Variants in NBPF26 observed in about 807,000 individuals in gnomAD.
The protein encoded by NBPF26 is NBPF member 26, also known as NBPF family member NBPF26.
NBPF26 carries 79 observed loss-of-function variants against 119.6 expected under a neutral mutation model. The observed-to-expected ratio is 0.66, with a 90% CI of 0.55 to 0.80. The LOEUF (loss-of-function observed/expected upper bound fraction) is 0.80. NBPF26 is among the 30% of genes least tolerant of loss of function. The pLI, the probability that NBPF26 is intolerant of heterozygous loss-of-function variation, is 0.00. For missense variants in NBPF26, 800 were observed against 1,198.2 expected (o/e 0.67, Z 4.91); for synonymous variants, 299 against 457.7 (o/e 0.65, Z 4.43).
At chr1:120,840,581 A>T in exon 30 of NBPF26, 1 of 1,464,192 alleles carries the variant, frequency 6.8e-7, no homozygotes, top group Non-Finnish European at 9.2e-7. Flanking sequence ...TGGGAGTCAT[A>T]TTCCCACAAT....
intron 2 of NBPF26, among the ~76,000 whole-genome samples, chr1:120,780,179 A>AGAC (rs1354004024): frequency 3.7e-5 from 4 of 108,958 alleles, no homozygotes; most frequent in Non-Finnish European, 7.1e-5. Context: ...CAAGGGTTCA[A>AGAC]GACAGGCTCT....
chr1:120,788,083 A>G, intron 3 of NBPF26, among the ~76,000 whole-genome samples: 1 of 61,864 alleles, frequency 1.6e-5, no homozygotes, highest in South Asian at 4.5e-4. Context: ...GACCATTTGT[A>G]GTCCCGCCTG....
Position 120,756,216 on chromosome 1 carries a change from C to A in NBPF26, c.74-7412C>A, listed in dbSNP as rs1302966260. Among the ~76,000 whole-genome samples, 3 of 112,768 alleles carry A rather than the reference C, an allele frequency of 2.7e-5. 1 individual carries two copies. The highest frequency in any genetic ancestry group is 5.0e-5 in the Non-Finnish European group (3 of 59,512). The allele number at this position is 112,768 out of a possible 152,430, so 74.0% of individuals were successfully genotyped here. A position where few individuals can be genotyped will look rare whatever the true frequency, so the allele number is the denominator to read the frequency against. ...CTCCTATTTTTGGTAATAATGCAGGCAGTCATTTTAGAAAACTTTGCTTTG... is the reference window on the plus strand; with the variant it reads ...CTCCTATTTTTGGTAATAATGCAGGAAGTCATTTTAGAAAACTTTGCTTTG... On this transcript the variant is annotated intron_variant, in intron 1 of 29. Transcript: ENST00000620612.
chr1:120,806,349 C>T lies in NBPF26; in HGVS notation c.961+584C>T, dbSNP rs1483115603. 2.7e-5 allele frequency among the ~76,000 whole-genome samples: 3 copies of T among 111,262 alleles called. 1 individual carries two copies. Among genetic ancestry groups the T allele is most frequent in the African/African-American group, 9.2e-5 (2 of 21,682 alleles). The allele number at this position is 111,262 out of a possible 152,430, so 73.0% of individuals were successfully genotyped here. ...GTGGCTCACTCCTATAATCTCAGCA[C>T]TTTGGGAGGCTGAGGCGGGCAGAGC... On this transcript the variant is annotated intron_variant, in intron 5 of 29. Coordinates refer to ENST00000620612, the Ensembl canonical transcript of NBPF26.
At chr1:120,804,911 T>C (rs1249604160) in intron 4 of NBPF26, among the ~76,000 whole-genome samples, 1 of 120,132 alleles carries the variant, frequency 8.3e-6, no homozygotes, top group East Asian at 2.0e-4. Context: ...ACCCGGAGGA[T>C]ATCAGGGCAG....
At chr1:120,790,239 C>A (rs1363662710) in intron 3 of NBPF26, among the ~76,000 whole-genome samples, 1 of 106,328 alleles carries the variant, frequency 9.4e-6, no homozygotes, top group South Asian at 2.7e-4. Context: ...TGGTCTGGAT[C>A]GCCTGACCTC....
chr1:120,732,631 G>C, intron 1 of NBPF26, among the ~76,000 whole-genome samples: 1 of 80,250 alleles, frequency 1.2e-5, no homozygotes, highest in Non-Finnish European at 2.3e-5. Flanking sequence ...TCTTTAGTTA[G>C]AAACATTAAG....
chr1:120,728,690 A>T lies in NBPF26; in HGVS notation c.73+4440A>T, dbSNP rs1297150149. Among the ~76,000 whole-genome samples, 2 of 117,460 alleles carry T rather than the reference A, an allele frequency of 1.7e-5. 1 individual carries two copies. Among genetic ancestry groups the T allele is most frequent in the African/African-American group, 9.9e-5 (2 of 20,144 alleles). The allele number at this position is 117,460 out of a possible 152,430, so 77.1% of individuals were successfully genotyped here. A position where few individuals can be genotyped will look rare whatever the true frequency, so the allele number is the denominator to read the frequency against. On this transcript the variant is annotated intron_variant, in intron 1 of 29. Coordinates refer to ENST00000620612, the Ensembl canonical transcript of NBPF26. The stretch of plus-strand genomic sequence containing the variant: ...AGTCATTTTTGGAATACTATTTTTA[A>T]AATTAGAGTTAACTAAGTTTATATT...
intron 4 of NBPF26, among the ~76,000 whole-genome samples, chr1:120,801,486 G>T (rs1338519867): frequency 1.1e-5 from 1 of 87,684 alleles, no homozygotes; most frequent in South Asian, 3.2e-4. Context: ...ATAAAGCAAG[G>T]TGTCTTTCCA....
rs1651655390 is a variant in NBPF26 at position 120,805,363 on chromosome 1, G to T, written c.752-193G>T. The T allele has an allele frequency of 3.3e-5, 35 of 1,073,266 alleles. 4 individuals carry two copies. Among genetic ancestry groups the T allele is most frequent in the Middle Eastern group, 2.9e-4 (1 of 3,500 alleles). The allele number at this position is 1,073,266 out of a possible 1,614,324, so 66.5% of individuals were successfully genotyped here. ...TATCAGAGTCTGAGCTACTGGCAGT[G>T]CTTTCAGCTCTGAGTTGAGGCACCT... On this transcript the variant is annotated intron_variant, in intron 4 of 29. Transcript: ENST00000620612.
rs1396609426 is a variant in NBPF26 at position 120,815,221 on chromosome 1, G to A, written c.2092+178G>A. ...GAGATGGGAAACCCATGGGGTTGGA[G>A]GTCACAGTATTGCAAGTGTCCCTCC... On this transcript the variant is annotated intron_variant, in intron 12 of 29. Transcript: ENST00000620612. Among the ~76,000 whole-genome samples, 6 of 112,204 alleles carry A rather than the reference G, an allele frequency of 5.3e-5. 3 individuals are homozygous for A. Among genetic ancestry groups the A allele is most frequent in the African/African-American group, 3.3e-4 (6 of 18,236 alleles). The allele number at this position is 112,204 out of a possible 152,430, so 73.6% of individuals were successfully genotyped here. A position where few individuals can be genotyped will look rare whatever the true frequency, so the allele number is the denominator to read the frequency against.
intron 2 of NBPF26, among the ~76,000 whole-genome samples, chr1:120,778,431 G>A (rs1431750403): frequency 9.0e-6 from 1 of 111,722 alleles, no homozygotes; most frequent in Non-Finnish European, 1.7e-5. Context: ...CTTCAGTGCC[G>A]ACGCAACCCA....
intron 10 of NBPF26, among the ~76,000 whole-genome samples, chr1:120,813,168 G>A (rs1651915622): frequency 8.3e-6 from 1 of 120,762 alleles, no homozygotes; most frequent in South Asian, 2.4e-4. Flanking sequence ...TTCCTCACCT[G>A]TTCAGAGGGT....
rs1309794811 is a variant in NBPF26, at chr1:120,802,662, A to T, written c.752-2894A>T. Among the ~76,000 whole-genome samples, 2 of 119,324 alleles carry T rather than the reference A, an allele frequency of 1.7e-5. 1 individual carries two copies. Among genetic ancestry groups the T allele is most frequent in the African/African-American group, 9.4e-5 (2 of 21,266 alleles). 78.3% of individuals were successfully genotyped at this position (119,324 alleles called of 152,430 possible). Reference sequence around the variant, plus strand: ...TGCTCAGCTTACAAGAAAAGGAATCATACTGCTAAGAATTCAAACTTCAGC... The same window carrying T: ...TGCTCAGCTTACAAGAAAAGGAATCTTACTGCTAAGAATTCAAACTTCAGC... On this transcript the variant is annotated intron_variant, in intron 4 of 29. Coordinates refer to ENST00000620612, the Ensembl canonical transcript of NBPF26.
rs1192332291 is a variant in NBPF26, at chr1:120,793,279, G to A, written c.534G>A (p.Lys178=). 8.5e-5 allele frequency: 118 copies of A among 1,392,784 alleles called. 20 individuals are homozygous for A. The highest frequency in any genetic ancestry group is 7.2e-4 in the Middle Eastern group (4 of 5,554). 86.3% of individuals were successfully genotyped at this position (1,392,784 alleles called of 1,614,324 possible). Residue 178 remains lysine (K), a synonymous_variant, in exon 4 of 30, where the codon AAG becomes AAA. Transcript: ENST00000620612. ...GCCTCACAGGCTTCACAGGGCAGAA[G>A]TGTGAGACTGATGTCAATGAGTGTG...
Position 120,811,885 on chromosome 1 carries a change from G to T in NBPF26, c.1565-1G>T. 2.2e-6 allele frequency: 2 copies of T among 906,434 alleles called. 1 individual carries two copies. The highest frequency in any genetic ancestry group is 2.8e-5 in the South Asian group (2 of 71,728). 56.1% of individuals were successfully genotyped at this position (906,434 alleles called of 1,614,324 possible). On this transcript the variant is annotated splice_acceptor_variant, in intron 9 of 29. Transcript: ENST00000620612. LOFTEE classifies it high-confidence loss of function. Reference sequence around the variant, plus strand: ...CATGTGTTTGCCTTTCTTCTCCCCAGTCCCTGGCCCCACCTCTTCTGCCAC... The same window carrying T: ...CATGTGTTTGCCTTTCTTCTCCCCATTCCCTGGCCCCACCTCTTCTGCCAC...
At position 120,793,585 on chromosome 1, in the gene NBPF26, C is replaced by T. The variant is rs1356859564; in HGVS notation, c.751+89C>T. ...TGGCTCAATTGCATTTTTTAGGAAG[C>T]GCAAGGAAAAAGGGAAGTGAGAATT... is the stretch of plus-strand genomic sequence containing the variant. On this transcript the variant is annotated intron_variant, in intron 4 of 29. Coordinates refer to ENST00000620612, the Ensembl canonical transcript of NBPF26. 2.1e-4 allele frequency: 210 copies of T among 1,014,820 alleles called. 38 individuals carry two copies. The highest frequency in any genetic ancestry group is 1.2e-3 in the South Asian group (86 of 69,318). The allele number at this position is 1,014,820 out of a possible 1,614,324, so 62.9% of individuals were successfully genotyped here.
Position 120,724,137 on chromosome 1 carries a change from C to T in NBPF26, c.-41C>T. 5.1e-6 allele frequency: 7 copies of T among 1,361,868 alleles called. 2 individuals carry two copies. Among genetic ancestry groups the T allele is most frequent in the Non-Finnish European group, 6.7e-6 (7 of 1,049,178 alleles). The allele number at this position is 1,361,868 out of a possible 1,614,324, so 84.4% of individuals were successfully genotyped here. On this transcript the variant is annotated 5_prime_UTR_variant, in exon 1 of 30. Transcript: ENST00000620612. Reference sequence around the variant, plus strand: ...CCATGTGGATCTGCCCAGGCGGCGGCGGCGGCGGCGGCGGAGGAGGAGGAG... The same window carrying T: ...CCATGTGGATCTGCCCAGGCGGCGGTGGCGGCGGCGGCGGAGGAGGAGGAG...
intron 1 of NBPF26, among the ~76,000 whole-genome samples, chr1:120,752,816 C>CTG: frequency 3.3e-5 from 1 of 30,750 alleles, no homozygotes; most frequent in Admixed American, 3.8e-4. Flanking sequence ...CCTCGTGATC[C>CTG]GCCCACCTCG....
Sources: gnomAD v4.1 joint callset for allele counts (sites outside exome capture counted in the v4.1 genomes callset) on GRCh38, gnomAD v4.1.1 for gene constraint, MANE v1.5 for transcripts, NCBI Gene and HGNC (gene_info 2026-07-23, HGNC 2026-07-21) for gene names.